TBC1D2: variants seen among roughly 807,000 people sequenced by gnomAD.
TBC1D2 encodes TBC1 domain family member 2, also known as TBC1 domain family member 2A.
Under a neutral mutation model 91.1 loss-of-function variants are expected in TBC1D2, and 58 were observed. The observed-to-expected ratio is 0.64, with a 90% CI of 0.52 to 0.79. The LOEUF is 0.79. Ranked by LOEUF, TBC1D2 falls within the 30% of genes least tolerant of loss-of-function variation. TBC1D2 has a pLI of 0.00. For synonymous variants in TBC1D2, 482 were observed against 511.5 expected (o/e 0.94, Z 0.78); for missense variants, 1,080 against 1,208.3 (o/e 0.89, Z 1.57).
chr9:98,242,633 G>A (rs749190193), intron 3 of TBC1D2, among the ~76,000 whole-genome samples: 3 of 151,976 alleles, frequency 2.0e-5, no homozygotes, highest in South Asian at 2.1e-4. Flanking sequence ...TGCATTAAAC[G>A]ATTTAATTAC....
At chr9:98,252,697 C>G (rs1829897096) in intron 1 of TBC1D2, among the ~76,000 whole-genome samples, 1 of 152,150 alleles carries the variant, frequency 6.6e-6, no homozygotes, top group African/African-American at 2.4e-5. Flanking sequence ...TAACCCTGGT[C>G]TAGAAGTTGG....
chr9:98,230,382 A>G (rs1223629930), intron 4 of TBC1D2, among the ~76,000 whole-genome samples: 2 of 152,232 alleles, frequency 1.3e-5, no homozygotes, highest in Non-Finnish European at 2.9e-5. Context: ...AATTGATCTT[A>G]TCTAAATCTC....
At chr9:98,213,059 G>C in intron 7 of TBC1D2, 49 bp downstream of exon 7, 1 of 1,601,152 alleles carries the variant, frequency 6.2e-7, no homozygotes, top group Non-Finnish European at 8.5e-7. Context: ...ATGGGGACCA[G>C]CAGAGGGGCC....
rs1331541876 is a variant in TBC1D2, at chr9:98,228,415, C to T, written c.978+537G>A. Among the ~76,000 whole-genome samples, 1 of 152,200 alleles carries T rather than the reference C, an allele frequency of 6.6e-6. No individual in the cohort carries two copies. The highest frequency in any genetic ancestry group is 1.5e-5 in the Non-Finnish European group (1 of 68,046). On this transcript the variant is annotated intron_variant, in intron 5 of 12. Transcript: ENST00000465784. The surrounding 1 kb of genome is among the most constrained non-coding windows in gnomAD (Gnocchi z 4.0). ...TACAATTATTATATAGCTCTTGTAA[C>T]TCTCGTAATTAACTTCTTACCATAT... is the stretch of plus-strand genomic sequence containing the variant.
intron 5 of TBC1D2, 57 bp from the exon 6 acceptor site, chr9:98,221,285 A>T: frequency 1.4e-6 from 2 of 1,477,988 alleles, no homozygotes; most frequent in Non-Finnish European, 1.8e-6. Context: ...TGGGCGCCAC[A>T]GTGGGGTATA....
intron 3 of TBC1D2, among the ~76,000 whole-genome samples, chr9:98,238,414 C>T (rs1829560914): frequency 7.3e-6 from 1 of 137,112 alleles, no homozygotes; most frequent in Admixed American, 6.7e-5. Context: ...TATAGAAATA[C>T]AACTGATATT....
chr9:98,227,001 G>T (rs1829247529), intron 5 of TBC1D2, among the ~76,000 whole-genome samples: 1 of 152,208 alleles, frequency 6.6e-6, no homozygotes, highest in Non-Finnish European at 1.5e-5. Context: ...AGAAAGAAAG[G>T]CTGTGTCAAG....
At chr9:98,242,803 CTTTTTTTTTTTT>C (rs36035887) in intron 3 of TBC1D2, among the ~76,000 whole-genome samples, 1 of 83,174 alleles carries the variant, frequency 1.2e-5, no homozygotes, top group Non-Finnish European at 2.2e-5. Flanking sequence ...ACACTGCTGC[CTTTTTTTTTTTT>C]TTTTTTTTTT....
intron 6 of TBC1D2, 94 bp from the exon 7 acceptor site, chr9:98,213,312 T>G (rs543820890): frequency 6.5e-7 from 1 of 1,546,874 alleles, no homozygotes; most frequent in African/African-American, 1.4e-5. Context: ...AAAGCTTCTT[T>G]TCCTTAGAAA....
At chr9:98,211,555 A>G (rs1828840352) in intron 7 of TBC1D2, among the ~76,000 whole-genome samples, 1 of 152,118 alleles carries the variant, frequency 6.6e-6, no homozygotes, top group Non-Finnish European at 1.5e-5. Flanking sequence ...TGAGATGGGG[A>G]CAGTGAAAAT....
intron 4 of TBC1D2, among the ~76,000 whole-genome samples, chr9:98,230,166 C>G (rs1292705978): frequency 6.6e-6 from 1 of 152,148 alleles, no homozygotes; most frequent in Non-Finnish European, 1.5e-5. Context: ...GGGATATATA[C>G]ATCATGCCTA....
chr9:98,242,486 G>A (rs575036660), intron 3 of TBC1D2, among the ~76,000 whole-genome samples: 5 of 150,096 alleles, frequency 3.3e-5, no homozygotes, highest in Non-Finnish European at 5.9e-5. Flanking sequence ...GAAAAGAAAC[G>A]CCCAAACAGG....
chr9:98,209,163 G>GT lies in TBC1D2; in HGVS notation c.1674-20dup, dbSNP rs1166474605. 6.3e-7 allele frequency: 1 copy of GT among 1,599,622 alleles called. No homozygotes were observed. Among genetic ancestry groups the GT allele is most frequent in the Admixed American group, 1.7e-5 (1 of 59,694 alleles). Reference sequence around the variant, plus strand: ...ATACTTACTGCCAGCAAAAGTGCACGTTAGCAACACCTTGCAGAGCCCTTC... The same window carrying GT: ...ATACTTACTGCCAGCAAAAGTGCACGTTTAGCAACACCTTGCAGAGCCCTTC... On this transcript the variant is annotated intron_variant, in intron 8 of 12. Transcript: ENST00000465784.
chr9:98,232,674 G>A (rs1829400628), intron 4 of TBC1D2, among the ~76,000 whole-genome samples: 1 of 151,984 alleles, frequency 6.6e-6, no homozygotes, highest in African/African-American at 2.4e-5. Context: ...TGCAAAGATA[G>A]TGCAGACATG....
At chr9:98,237,909 C>CTT (rs200976335) in intron 3 of TBC1D2, among the ~76,000 whole-genome samples, 1 of 124,100 alleles carries the variant, frequency 8.1e-6, no homozygotes, top group African/African-American at 3.0e-5. Flanking sequence ...TCTTTTTTTT[C>CTT]TTTTTTTTTT....
At position 98,242,183 on chromosome 9, in the gene TBC1D2, T is replaced by C. The variant is rs896694524; in HGVS notation, c.647+1811A>G. Among the ~76,000 whole-genome samples the C allele has an allele frequency of 5.3e-5, 8 of 152,122 alleles. 1 individual carries two copies. The South Asian group carries it at 1.7e-3, about 31-fold the overall frequency. ...CAGGCTGGGCGTGGTGGCTCACGTC[T>C]GTAATCCCAGCACTTTGGGAGGCCG... On this transcript the variant is annotated intron_variant, in intron 3 of 12. Transcript: ENST00000465784.
chr9:98,233,328 T>C lies in TBC1D2; in HGVS notation c.781+88A>G, dbSNP rs919945756. 6.0e-6 allele frequency: 9 copies of C among 1,508,890 alleles called. No individual in the cohort carries two copies. The African/African-American group carries it at 1.1e-4, about 19-fold the overall frequency. 93.5% of individuals were successfully genotyped at this position (1,508,890 alleles called of 1,614,324 possible). On this transcript the variant is annotated intron_variant, in intron 4 of 12. Transcript: ENST00000465784. ...ACTAAGACACACACAAAAGCACAAA[T>C]GCTGGTTCGCTGGAAGGAAAGAAGG...
At chr9:98,201,448 G>A (rs914033099) in intron 11 of TBC1D2, 31 bp downstream of exon 11, 9 of 1,601,456 alleles carry the variant, frequency 5.6e-6, no homozygotes, top group Non-Finnish European at 7.7e-6. Context: ...TTGCTCAGGG[G>A]CCCCCTGCCC....
At chr9:98,252,380 T>C (rs947315128) in intron 1 of TBC1D2, among the ~76,000 whole-genome samples, 5 of 152,202 alleles carry the variant, frequency 3.3e-5, no homozygotes, top group Non-Finnish European at 7.3e-5. Flanking sequence ...TTTTGTGGAA[T>C]AGGAGTAATC....
Sources: gnomAD v4.1 joint callset for allele counts (sites outside exome capture counted in the v4.1 genomes callset) on GRCh38, gnomAD v4.1.1 for gene constraint, Gnocchi (gnomAD v3.1) non-coding constraint, MANE v1.5 for transcripts, NCBI Gene and HGNC (gene_info 2026-07-23, HGNC 2026-07-21) for gene names.